ZNF599: variants seen among roughly 807,000 people sequenced by gnomAD.
ZNF599 encodes zinc finger protein 599.
A neutral mutation model predicts 11.7 loss-of-function variants in ZNF599; 10 were observed. That is an observed-to-expected ratio of 0.86 (90% CI 0.53 to 1.45). The LOEUF (loss-of-function observed/expected upper bound fraction) is 1.45, where lower values mean the gene tolerates loss of function less well. Among genes scored for constraint, ZNF599 ranks in the 40% most tolerant of loss-of-function variants. The pLI, the probability that ZNF599 is intolerant of heterozygous loss-of-function variation, is 0.00. For missense variants in ZNF599, 688 were observed against 713.6 expected, an observed-to-expected ratio of 0.96 and a Z score of 0.41; for synonymous variants, 232 against 253.2, an observed-to-expected ratio of 0.92 and a Z score of 0.79.
intron 3 of ZNF599, chr19:34,764,742 G>C (rs2069131819): frequency 6.6e-6 from 1 of 152,092 alleles, no homozygotes; most frequent in Non-Finnish European, 1.5e-5. Flanking sequence ...TTATAGAAGG[G>C]GATACTGACA....
chr19:34,773,009 G>A lies in ZNF599; in HGVS notation c.-168C>T. 2 of 787,198 alleles carry A rather than the reference G, an allele frequency of 2.5e-6. No homozygotes were observed. Among genetic ancestry groups the A allele is most frequent in the South Asian group, 2.0e-5 (1 of 49,040 alleles). The allele number at this position is 787,198 out of a possible 1,614,324, so 48.8% of individuals were successfully genotyped here. On this transcript the variant is annotated 5_prime_UTR_variant, in exon 1 of 4. Transcript: ENST00000329285. ...GCCTCTGCGCGCCGTGAGGACACAG[G>A]GCTGTCGCCAAGGCCCCAGGAAGGG... is the stretch of plus-strand genomic sequence containing the variant.
chr19:34,797,466 C>G, the ZNF599 span, among the ~76,000 whole-genome samples: 14 of 152,112 alleles, frequency 9.2e-5, no homozygotes, highest in Middle Eastern at 3.4e-3. Context: ...CACATCCTCT[C>G]CAGCACCTGT....
At chr19:34,789,872 A>C in the ZNF599 span, among the ~76,000 whole-genome samples, 1 of 151,960 alleles carries the variant, frequency 6.6e-6, no homozygotes, top group Non-Finnish European at 1.5e-5. Flanking sequence ...CCATTTGACT[A>C]TTTTTGCTTT....
chr19:34,769,532 C>G lies in ZNF599; in HGVS notation c.42G>C (p.Val14=). The G allele has an allele frequency of 6.2e-7, 1 of 1,614,080 alleles. No homozygotes were observed. Among genetic ancestry groups the G allele is most frequent in the Non-Finnish European group, 8.5e-7 (1 of 1,179,952 alleles). The part of the protein sequence containing the change: ...PALALVSFED[V]VVTFTGEEWG... ...ATTCCTCTCCAGTGAAGGTCACAAC[C>G]ACGTCTTCAAATGATACTAATGCCT... The change falls in exon 2 of 4, where the codon GTG becomes GTC. Residue 14 remains valine (V), a synonymous_variant. Coordinates refer to ENST00000329285, the MANE Select transcript of ZNF599 (RefSeq NM_001007248.3).
the ZNF599 span, among the ~76,000 whole-genome samples, chr19:34,800,036 T>C: frequency 6.6e-6 from 1 of 152,346 alleles, no homozygotes; most frequent in African/African-American, 2.4e-5. Flanking sequence ...GAATGACATA[T>C]GATGTGCATC....
At chr19:34,763,805 T>C (rs1216552224) in intron 3 of ZNF599, 1 of 151,908 alleles carries the variant, frequency 6.6e-6, no homozygotes, top group Non-Finnish European at 1.5e-5. Context: ...GATTTGTGGC[T>C]GGGTGTGGGG....
At chr19:34,769,294 G>T in intron 2 of ZNF599, 135 bp downstream of exon 2, 1 of 1,151,872 alleles carries the variant, frequency 8.7e-7, no homozygotes, top group Non-Finnish European at 1.3e-6. Flanking sequence ...AGCAAGAGGA[G>T]GTCAGACCAC....
chr19:34,799,925 T>G, the ZNF599 span, among the ~76,000 whole-genome samples: 2 of 152,374 alleles, frequency 1.3e-5, no homozygotes, highest in African/African-American at 4.8e-5. Flanking sequence ...GTTCTTCCAC[T>G]CTACATACTT....
At chr19:34,807,537 C>A in the ZNF599 span, among the ~76,000 whole-genome samples, 1 of 152,252 alleles carries the variant, frequency 6.6e-6, no homozygotes, top group African/African-American at 2.4e-5. Flanking sequence ...TGACCCAGCC[C>A]TCTGTAGTTT....
Position 34,759,613 on chromosome 19 carries a change from C to G in ZNF599, c.1188G>C (p.Glu396Asp), listed in dbSNP as rs1383836965. Reference sequence around the variant, plus strand: ...TAAAGGCCTTTCCACATTCACCGCACTCATAGGGTTTCTCTCCAGTGTGAA... The same window carrying G: ...TAAAGGCCTTTCCACATTCACCGCAGTCATAGGGTTTCTCTCCAGTGTGAA... ...MRIHTGEKPYECGECGKAFTH... is the reference protein window; with the variant it reads ...MRIHTGEKPYDCGECGKAFTH... The change falls in exon 4 of 4, where the codon GAG becomes GAC. Residue 396 changes from glutamate to aspartate, a missense_variant. Transcript: ENST00000329285. 3 of 1,610,566 alleles carry G rather than the reference C, an allele frequency of 1.9e-6. No individual in the cohort carries two copies.
upstream of ZNF599, among the ~76,000 whole-genome samples, chr19:34,773,962 T>G (rs190576475): frequency 1.1e-4 from 17 of 152,332 alleles, no homozygotes; most frequent in Non-Finnish European, 2.4e-4. Flanking sequence ...GATACTTCTT[T>G]GCAGACTCTG....
chr19:34,794,641 G>A, the ZNF599 span, among the ~76,000 whole-genome samples: 2 of 151,446 alleles, frequency 1.3e-5, no homozygotes, highest in East Asian at 3.9e-4. Flanking sequence ...TGCAATCTTG[G>A]CTCACTGCAA....
chr19:34,781,705 C>T, the ZNF599 span, among the ~76,000 whole-genome samples: 1 of 152,178 alleles, frequency 6.6e-6, no homozygotes, highest in Admixed American at 6.5e-5. Flanking sequence ...CTCACTTCTC[C>T]ATAAGCACCC....
chr19:34,768,989 G>A (rs137913613), intron 2 of ZNF599, among the ~76,000 whole-genome samples: 113 of 152,338 alleles, frequency 7.4e-4, no homozygotes, highest in Middle Eastern at 3.4e-3. Flanking sequence ...AGGAGCCAAA[G>A]AGACCTTTCA....
Position 34,758,755 on chromosome 19 carries a change from T to A in ZNF599, c.*279A>T. 1 of 306,726 alleles carries A rather than the reference T, an allele frequency of 3.3e-6. No individual in the cohort carries two copies. 19.0% of individuals were successfully genotyped at this position (306,726 alleles called of 1,614,324 possible). A position where few individuals can be genotyped will look rare whatever the true frequency, so the allele number is the denominator to read the frequency against. On this transcript the variant is annotated 3_prime_UTR_variant, in exon 4 of 4. Coordinates refer to ENST00000329285, the MANE Select transcript of ZNF599 (RefSeq NM_001007248.3). The stretch of plus-strand genomic sequence containing the variant: ...GTTCCTGACATTTTACCTAAATGCA[T>A]GTTAACCACCAGGTCTCTCCCCTCG...
At chr19:34,806,952 G>A in the ZNF599 span, among the ~76,000 whole-genome samples, 1 of 152,162 alleles carries the variant, frequency 6.6e-6, no homozygotes, top group African/African-American at 2.4e-5. Context: ...TGGGTTTCTG[G>A]TGTTTGACTT....
upstream of ZNF599, among the ~76,000 whole-genome samples, chr19:34,775,938 C>T (rs2069215552): frequency 1.3e-5 from 2 of 152,110 alleles, 1 homozygote; most frequent in South Asian, 4.1e-4. Context: ...AGTTATGAAA[C>T]ACATCAAGGA....
rs2069091238 is a variant in ZNF599 at position 34,759,214 on chromosome 19, G to A, written c.1587C>T (p.His529=). The change falls in exon 4 of 4, where the codon CAC becomes CAT. Residue 529 remains histidine, a synonymous_variant. Coordinates refer to ENST00000329285, the MANE Select transcript of ZNF599 (RefSeq NM_001007248.3). ...TGCATTCAAAAGGTTTTTCTCCAGT[G>A]TGGATCCTATTATGCCGAACAAAAT... The part of the protein sequence containing the change: ...PANFVRHNRI[H]TGEKPFECKE... 2 of 1,614,068 alleles carry A rather than the reference G, an allele frequency of 1.2e-6. No individual in the cohort carries two copies. Among genetic ancestry groups the A allele is most frequent in the Non-Finnish European group, 1.7e-6 (2 of 1,180,046 alleles).
chr19:34,780,870 G>A, the ZNF599 span, among the ~76,000 whole-genome samples: 2 of 152,030 alleles, frequency 1.3e-5, no homozygotes, highest in Non-Finnish European at 2.9e-5. Context: ...GAAAGAAAAG[G>A]AAGGGGCCGG....
Sources: gnomAD v4.1 joint callset for allele counts (sites outside exome capture counted in the v4.1 genomes callset) on GRCh38, gnomAD v4.1.1 for gene constraint, MANE v1.5 for transcripts, NCBI Gene and HGNC (gene_info 2026-07-23, HGNC 2026-07-21) for gene names.